The following FARS2 variants were observed in gnomAD, a reference collection of about 807,000 sequenced individuals.
The protein encoded by FARS2 is phenylalanine--tRNA ligase, mitochondrial.
Under a neutral mutation model 46.4 loss-of-function variants are expected in FARS2, and 40 were observed. The observed-to-expected ratio is 0.86, with a 90% CI of 0.67 to 1.12. FARS2 has a LOEUF of 1.12. Ranked by LOEUF, FARS2 falls within the 50% of genes most tolerant of loss-of-function variation. The probability of loss-of-function intolerance (pLI) is 0.00; values close to 1 mark genes in which losing one functional copy is unlikely to be tolerated. For synonymous variants in FARS2, 234 were observed against 214.9 expected (o/e 1.09, Z -0.78); for missense variants, 513 against 567.9 (o/e 0.90, Z 0.98).
intron 5 of FARS2, among the ~76,000 whole-genome samples, chr6:5,567,408 A>C (rs74743700): frequency 0.014 from 2,147 of 152,276 alleles, 38 homozygotes; most frequent in African/African-American, 0.048. Context: ...TCATTTGCAA[A>C]TGTGGCCATC....
At chr6:5,335,069 T>C (rs17686830) in intron 1 of FARS2, among the ~76,000 whole-genome samples, 2,048 of 152,332 alleles carry the variant, frequency 0.013, 23 homozygotes, top group Middle Eastern at 0.065. Context: ...ATTTGGCTTC[T>C]AAGGTGTGTC....
At chr6:5,658,073 A>G (rs1053580940) in intron 6 of FARS2, among the ~76,000 whole-genome samples, 1 of 152,226 alleles carries the variant, frequency 6.6e-6, no homozygotes, top group African/African-American at 2.4e-5. Flanking sequence ...TCTGATGAAC[A>G]TGGAGGAACC....
chr6:5,428,702 A>G (rs1444492068), intron 3 of FARS2, among the ~76,000 whole-genome samples: 2 of 152,194 alleles, frequency 1.3e-5, no homozygotes, highest in Non-Finnish European at 2.9e-5. Context: ...TGTTGGTCCC[A>G]AAGATGGGCA....
chr6:5,262,259 A>G (rs773969344), intron 1 of FARS2, among the ~76,000 whole-genome samples: 2 of 151,980 alleles, frequency 1.3e-5, no homozygotes, highest in Non-Finnish European at 2.9e-5. Flanking sequence ...ACAACTTTAT[A>G]TTTTCAGGAA....
rs2127643852 is a variant in FARS2 at position 5,368,995 on chromosome 6, A to G, written c.425A>G (p.Asp142Gly). ...GATCACCCCAGCAGGAAGAAGGGGGACAACTATTACCTGAATCGGACTCAC... is the reference window on the plus strand; with the variant it reads ...GATCACCCCAGCAGGAAGAAGGGGGGCAACTATTACCTGAATCGGACTCAC... ...PADHPSRKKG[D>G]NYYLNRTHML... The change falls in exon 2 of 7, where the codon GAC (aspartate) becomes GGC (glycine). Residue 142 changes from aspartate (D) to glycine (G), a missense_variant. Transcript: ENST00000274680. 1 of 1,614,078 alleles carries G rather than the reference A, an allele frequency of 6.2e-7. No individual in the cohort carries two copies. The highest frequency in any genetic ancestry group is 8.5e-7 in the Non-Finnish European group (1 of 1,180,020).
chr6:5,677,279 A>G (rs886613578), intron 6 of FARS2, among the ~76,000 whole-genome samples: 11 of 152,214 alleles, frequency 7.2e-5, no homozygotes, highest in Non-Finnish European at 1.3e-4. Context: ...CTGAAGAGGA[A>G]CCGTAAAGTA....
chr6:5,496,512 T>C (rs905818508), intron 4 of FARS2, among the ~76,000 whole-genome samples: 4 of 152,294 alleles, frequency 2.6e-5, no homozygotes, highest in Admixed American at 2.6e-4. Flanking sequence ...AGTGTTTAAG[T>C]GGCAGAAATT....
intron 1 of FARS2, among the ~76,000 whole-genome samples, chr6:5,265,296 A>G (rs971408212): frequency 5.9e-5 from 9 of 152,196 alleles, no homozygotes; most frequent in African/African-American, 1.9e-4. Flanking sequence ...TGGAGGAAGA[A>G]GGGTGCTTGA....
At chr6:5,582,690 TCTCCATGG>T (rs1397999406) in intron 5 of FARS2, among the ~76,000 whole-genome samples, 3 of 152,230 alleles carry the variant, frequency 2.0e-5, no homozygotes, top group Non-Finnish European at 4.4e-5. Context: ...GATGTAAAAC[TCTCCATGG>T]CTCCATGGCT....
At chr6:5,386,685 T>C (rs1378068851) in intron 2 of FARS2, among the ~76,000 whole-genome samples, 1 of 152,166 alleles carries the variant, frequency 6.6e-6, no homozygotes, top group African/African-American at 2.4e-5. Flanking sequence ...GGAAAAGCAA[T>C]TAAAACTAAC....
intron 6 of FARS2, among the ~76,000 whole-genome samples, chr6:5,729,686 A>G (rs1331913786): frequency 6.6e-6 from 1 of 151,922 alleles, no homozygotes; most frequent in Non-Finnish European, 1.5e-5. Context: ...TAGGTTACCC[A>G]CAAGTACCTG....
intron 1 of FARS2, among the ~76,000 whole-genome samples, chr6:5,347,391 C>T (rs577879561): frequency 6.6e-6 from 1 of 152,174 alleles, no homozygotes; most frequent in East Asian, 1.9e-4. Flanking sequence ...GTTGTTTTAT[C>T]TGTTATTACT....
chr6:5,537,004 C>T (rs771605790), intron 4 of FARS2, among the ~76,000 whole-genome samples: 4 of 152,184 alleles, frequency 2.6e-5, no homozygotes, highest in Admixed American at 6.5e-5. Flanking sequence ...CACCTTCTAG[C>T]GTTGACTGAT....
At chr6:5,629,057 C>T (rs1040521523) in intron 6 of FARS2, among the ~76,000 whole-genome samples, 3 of 152,162 alleles carry the variant, frequency 2.0e-5, no homozygotes, top group Non-Finnish European at 2.9e-5. Flanking sequence ...ATAGCTAGAA[C>T]GGCTGAAAAT....
At chr6:5,342,740 G>A (rs1473616880) in intron 1 of FARS2, among the ~76,000 whole-genome samples, 11 of 150,064 alleles carry the variant, frequency 7.3e-5, no homozygotes, top group African/African-American at 1.5e-4. Flanking sequence ...CAACAAGAGC[G>A]AGACTCTGTC....
At chr6:5,768,995 A>T (rs1762885896) in intron 6 of FARS2, among the ~76,000 whole-genome samples, 1 of 152,028 alleles carries the variant, frequency 6.6e-6, no homozygotes, top group Admixed American at 6.5e-5. Flanking sequence ...TTCCAAGTTT[A>T]TCATTTTTTT....
At chr6:5,596,649 TC>T (rs2150620320) in intron 5 of FARS2, among the ~76,000 whole-genome samples, 1 of 152,306 alleles carries the variant, frequency 6.6e-6, no homozygotes, top group East Asian at 1.9e-4. Context: ...TTTTCCAGAT[TC>T]CAAATAGTTA....
intron 5 of FARS2, among the ~76,000 whole-genome samples, chr6:5,570,170 G>C (rs1772558617): frequency 6.6e-6 from 1 of 152,084 alleles, no homozygotes; most frequent in Non-Finnish European, 1.5e-5. Context: ...TTTCTTCCTT[G>C]ACCAAGGACT....
chr6:5,481,645 A>G (rs991899489), intron 4 of FARS2, among the ~76,000 whole-genome samples: 4 of 152,090 alleles, frequency 2.6e-5, no homozygotes, highest in African/African-American at 9.7e-5. Context: ...TCACAGTCCT[A>G]TTTATTTATT....
Sources: allele counts gnomAD v4.1 joint callset (sites outside exome capture counted in the v4.1 genomes callset), GRCh38; gene constraint gnomAD v4.1.1; transcripts MANE v1.5; gene names NCBI Gene and HGNC (gene_info 2026-07-23, HGNC 2026-07-21).